Variants in ADAMTS12 observed in about 807,000 individuals in gnomAD.
ADAMTS12 encodes A disintegrin and metalloproteinase with thrombospondin motifs 12.
Under a neutral mutation model 167.8 loss-of-function variants are expected in ADAMTS12, and 118 were observed. The ratio of observed to expected loss-of-function variants is 0.70; its 90% CI spans 0.61 to 0.82. ADAMTS12 has a LOEUF of 0.82. ADAMTS12 is among the 40% of genes least tolerant of loss of function. ADAMTS12 has a pLI of 0.00. For synonymous variants in ADAMTS12, 704 were observed against 716.9 expected (o/e 0.98, Z 0.29); for missense variants, 1,916 against 1,998.8 (o/e 0.96, Z 0.79).
intron 14 of ADAMTS12, among the ~76,000 whole-genome samples, chr5:33,618,923 G>A (rs1238936621): frequency 6.6e-6 from 1 of 152,162 alleles, no homozygotes; most frequent in Non-Finnish European, 1.5e-5. Context: ...TGACGTTTCT[G>A]TCAGCGTTCT....
At chr5:33,890,887 T>C (rs952613920) in intron 1 of ADAMTS12, among the ~76,000 whole-genome samples, 18 of 152,150 alleles carry the variant, frequency 1.2e-4, no homozygotes, top group Non-Finnish European at 5.9e-5. Flanking sequence ...ACCTGCACCC[T>C]GGAAGGCTAT....
chr5:33,626,354 A>ATT (rs1739596268), intron 13 of ADAMTS12, among the ~76,000 whole-genome samples: 2 of 135,550 alleles, frequency 1.5e-5, no homozygotes, highest in African/African-American at 2.9e-5. Flanking sequence ...AGTGGTGGTG[A>ATT]TGTGATGGTG....
At chr5:33,545,598 C>T (rs1414572175) in intron 22 of ADAMTS12, among the ~76,000 whole-genome samples, 1 of 152,142 alleles carries the variant, frequency 6.6e-6, no homozygotes, top group African/African-American at 2.4e-5. Flanking sequence ...ACAGCAAAGA[C>T]TTGGAAGCAA....
In ADAMTS12 at chr5:33,577,035, A is replaced by G. The variant is rs953051221; in HGVS notation, c.2991T>C (p.Pro997=). ...SRALCGLQQC[P]SSRRVLKPNK... ...TTGGTTTCAGAACTCTCCGGCTAGAAGGGCATTGCTGGAGGCCACACAGAG... is the reference window on the plus strand; with the variant it reads ...TTGGTTTCAGAACTCTCCGGCTAGAGGGGCATTGCTGGAGGCCACACAGAG... The change falls in exon 19 of 24, where the codon CCT becomes CCC. Residue 997 remains proline, a synonymous_variant. Transcript: ENST00000504830. 8 of 1,614,180 alleles carry G rather than the reference A, an allele frequency of 5.0e-6. No homozygotes were observed. Among genetic ancestry groups the G allele is most frequent in the Non-Finnish European group, 6.8e-6 (8 of 1,180,026 alleles).
At chr5:33,661,667 A>C (rs1579810445) in intron 6 of ADAMTS12, among the ~76,000 whole-genome samples, 1 of 152,232 alleles carries the variant, frequency 6.6e-6, no homozygotes, top group South Asian at 2.1e-4. Flanking sequence ...TCAGTGGGAT[A>C]GTAAAGAGGC....
intron 17 of ADAMTS12, 47 bp downstream of exon 17, chr5:33,595,887 A>G (rs2112033250): frequency 6.2e-7 from 1 of 1,609,688 alleles, no homozygotes; most frequent in East Asian, 2.2e-5. Flanking sequence ...TGAGTCAGAC[A>G]TCACTGTAGG....
Position 33,615,739 on chromosome 5 carries a change from C to T in ADAMTS12, c.2388+89G>A, listed in dbSNP as rs1738967731. Reference sequence around the variant, plus strand: ...CTAAAAGAGGTTTTAAAGATTCTGACTTAATGTCCCCTAGCAAGTACCTTG... The same window carrying T: ...CTAAAAGAGGTTTTAAAGATTCTGATTTAATGTCCCCTAGCAAGTACCTTG... On this transcript the variant is annotated intron_variant, in intron 15 of 23. Coordinates refer to ENST00000504830, the MANE Select transcript of ADAMTS12 (RefSeq NM_030955.4). The T allele has an allele frequency of 6.5e-6, 10 of 1,531,504 alleles. No individual in the cohort carries two copies. The Admixed American group carries it at 1.8e-4, about 27-fold the overall frequency. 94.9% of individuals were successfully genotyped at this position (1,531,504 alleles called of 1,614,324 possible).
At position 33,798,437 on chromosome 5, in the gene ADAMTS12, T is replaced by C. The variant is rs1340021695; in HGVS notation, c.490-46889A>G. The stretch of plus-strand genomic sequence containing the variant: ...TCCTGATGTCTCTTCTTTGTATCTT[T>C]TTTTTTTTTTTTTTTTTTTTTGAGA... On this transcript the variant is annotated intron_variant, in intron 2 of 23. Coordinates refer to ENST00000504830, the MANE Select transcript of ADAMTS12 (RefSeq NM_030955.4). Among the ~76,000 whole-genome samples the C allele has an allele frequency of 3.4e-4, 24 of 69,846 alleles. 1 individual carries two copies. The highest frequency in any genetic ancestry group is 4.3e-4 in the Non-Finnish European group (16 of 37,108). 45.8% of individuals were successfully genotyped at this position (69,846 alleles called of 152,430 possible). A position where few individuals can be genotyped will look rare whatever the true frequency, so the allele number is the denominator to read the frequency against.
chr5:33,758,600 CA>C (rs1418231177), intron 2 of ADAMTS12, among the ~76,000 whole-genome samples: 1 of 152,130 alleles, frequency 6.6e-6, no homozygotes, highest in Non-Finnish European at 1.5e-5. Context: ...TTCCAGATGT[CA>C]GTGTCACTAA....
intron 5 of ADAMTS12, among the ~76,000 whole-genome samples, chr5:33,664,370 G>C (rs2112222910): frequency 6.6e-6 from 1 of 152,264 alleles, no homozygotes; most frequent in Non-Finnish European, 1.5e-5. Flanking sequence ...GACCCACCTA[G>C]ATATGCCCAA....
chr5:33,697,771 C>G (rs563528308), intron 3 of ADAMTS12, among the ~76,000 whole-genome samples: 1 of 152,134 alleles, frequency 6.6e-6, no homozygotes, highest in African/African-American at 2.4e-5. Flanking sequence ...TTTAGCCAAC[C>G]GGGATTAGTT....
chr5:33,553,723 T>G (rs530670862), intron 20 of ADAMTS12, among the ~76,000 whole-genome samples: 4 of 151,842 alleles, frequency 2.6e-5, no homozygotes, highest in East Asian at 1.9e-4. Context: ...GAGGGTGGAG[T>G]GTGGGAGGAG....
At chr5:33,648,230 A>T (rs1361958832) in intron 9 of ADAMTS12, among the ~76,000 whole-genome samples, 1 of 152,178 alleles carries the variant, frequency 6.6e-6, no homozygotes, top group African/African-American at 2.4e-5. Context: ...TTGTGTTTTT[A>T]AAAAATAACT....
intron 3 of ADAMTS12, among the ~76,000 whole-genome samples, chr5:33,744,760 T>C (rs1221372623): frequency 6.6e-6 from 1 of 152,230 alleles, no homozygotes; most frequent in Non-Finnish European, 1.5e-5. Flanking sequence ...GGGGTTTACT[T>C]GCCACATAGA....
Position 33,614,357 on chromosome 5 carries a change from T to C in ADAMTS12, c.2408A>G (p.Asn803Ser). The change falls in exon 16 of 24, where the codon AAC becomes AGC. Residue 803 changes from asparagine to serine, a missense_variant. Coordinates refer to ENST00000504830, the MANE Select transcript of ADAMTS12 (RefSeq NM_030955.4). The part of the protein sequence containing the change: ...VWIQLLFQVT[N>S]PGIKYEYTIQ... ...TGTGTACTCATACTTGATGCCAGGG[T>C]TAGTCACCTGGAATAGAAGCTAAAA... 2 of 1,614,046 alleles carry C rather than the reference T, an allele frequency of 1.2e-6. No individual in the cohort carries two copies. Among genetic ancestry groups the C allele is most frequent in the Non-Finnish European group, 8.5e-7 (1 of 1,179,948 alleles).
intron 2 of ADAMTS12, among the ~76,000 whole-genome samples, chr5:33,825,981 C>T (rs1264550730): frequency 6.6e-6 from 1 of 152,142 alleles, no homozygotes; most frequent in Non-Finnish European, 1.5e-5. Flanking sequence ...AAACTCCACA[C>T]TGGAACAGAT....
At chr5:33,694,019 C>G (rs1317105749) in intron 3 of ADAMTS12, among the ~76,000 whole-genome samples, 1 of 152,088 alleles carries the variant, frequency 6.6e-6, no homozygotes, top group African/African-American at 2.4e-5. Context: ...AACATCCAAG[C>G]TGAGAATCAA....
intron 2 of ADAMTS12, among the ~76,000 whole-genome samples, chr5:33,861,121 C>G (rs901471324): frequency 6.6e-6 from 1 of 152,302 alleles, no homozygotes; most frequent in East Asian, 1.9e-4. Flanking sequence ...GAAACTGCAT[C>G]AACTAACAGC....
At chr5:33,552,673 T>G (rs934724676) in intron 20 of ADAMTS12, among the ~76,000 whole-genome samples, 1 of 152,206 alleles carries the variant, frequency 6.6e-6, no homozygotes, top group Admixed American at 6.5e-5. Context: ...GAAGATCAGA[T>G]AGTTGTAGGT....
Sources: gnomAD v4.1 joint callset for allele counts (sites outside exome capture counted in the v4.1 genomes callset) on GRCh38, gnomAD v4.1.1 for gene constraint, MANE v1.5 for transcripts, NCBI Gene and HGNC (gene_info 2026-07-23, HGNC 2026-07-21) for gene names.